Variants in ZFYVE26 observed in about 807,000 individuals in gnomAD.
The protein encoded by ZFYVE26 is zinc finger FYVE domain-containing protein 26.
In ZFYVE26, 181 loss-of-function variants were observed where a neutral mutation model predicts 276.5. The observed-to-expected ratio is 0.65, with a 90% CI of 0.58 to 0.74. ZFYVE26 has a LOEUF of 0.74. Ranked by LOEUF, ZFYVE26 falls within the 30% of genes least tolerant of loss-of-function variation. ZFYVE26 has a pLI of 0.00. For missense variants in ZFYVE26, 2,821 were observed against 3,097.9 expected, an observed-to-expected ratio of 0.91 and a Z score of 2.12; for synonymous variants, 1,129 against 1,203.1, an observed-to-expected ratio of 0.94 and a Z score of 1.27.
At position 67,797,659 on chromosome 14, in the gene ZFYVE26, C is replaced by A. The variant is rs746704535; in HGVS notation, c.2332+13G>T. The A allele has an allele frequency of 6.2e-7, 1 of 1,613,484 alleles. No homozygotes were observed. The highest frequency in any genetic ancestry group is 1.1e-5 in the South Asian group (1 of 90,982). On this transcript the variant is annotated intron_variant, in intron 12 of 41. Coordinates refer to ENST00000347230, the MANE Select transcript of ZFYVE26 (RefSeq NM_015346.4). ...CACTTGCCTAGTGCATGGGAATGAG[C>A]TCTTCAGATTACCTGCCTGGCTCCT...
chr14:67,793,969 A>G (rs750634159), intron 13 of ZFYVE26, among the ~76,000 whole-genome samples: 2 of 152,172 alleles, frequency 1.3e-5, no homozygotes, highest in Non-Finnish European at 2.9e-5. Flanking sequence ...TTCTTTGGGT[A>G]TTTACCTCTA....
rs1423312030 is a variant in ZFYVE26 at position 67,769,655 on chromosome 14, C to G, written c.5560G>C (p.Glu1854Gln). ...SSCSTKKMVV[E>Q]GCRENPARVC... ...CGAGCAGGGTTCTCTCTGCAGCCTT[C>G]AACCACCATTTTCTTAGTGGAGCAG... The change falls in exon 29 of 42, where the codon GAA becomes CAA. Residue 1854 changes from glutamate to glutamine, a missense_variant. By Grantham distance (29) the Glu-to-Gln change is conservative. Coordinates refer to ENST00000347230, the MANE Select transcript of ZFYVE26 (RefSeq NM_015346.4). 2 of 1,613,940 alleles carry G rather than the reference C, an allele frequency of 1.2e-6. No individual in the cohort carries two copies. Among genetic ancestry groups the G allele is most frequent in the South Asian group, 2.2e-5 (2 of 91,080 alleles).
In ZFYVE26 at chr14:67,783,436, G is replaced by A. The variant is rs2039562435; in HGVS notation, c.3716C>T (p.Ser1239Leu). 2.5e-6 allele frequency: 4 copies of A among 1,614,060 alleles called. No individual in the cohort carries two copies. Among genetic ancestry groups the A allele is most frequent in the Non-Finnish European group, 3.4e-6 (4 of 1,180,050 alleles). The change falls in exon 21 of 42, where the codon TCA (serine) becomes TTA (leucine). Residue 1239 changes from serine to leucine, a missense_variant. Ser to Leu is a moderately radical substitution (Grantham distance 145). Transcript: ENST00000347230. ...SCCCEPLALC[S>L]SRQSQQTSSL... ...GGAGGTCTGCTGGCTTTGCCGGGAT[G>A]AGCAAAGAGCAAGGGGCTCACAGCA...
chr14:67,812,604 C>G (rs576966266), intron 3 of ZFYVE26, among the ~76,000 whole-genome samples: 1 of 152,234 alleles, frequency 6.6e-6, no homozygotes, highest in South Asian at 2.1e-4. Flanking sequence ...TTTAAATAAG[C>G]AAGTCATTGA....
chr14:67,758,361 A>C (rs1246961522), intron 35 of ZFYVE26, among the ~76,000 whole-genome samples: 3 of 152,196 alleles, frequency 2.0e-5, no homozygotes, highest in Non-Finnish European at 2.9e-5. Context: ...ACACCTCAGA[A>C]GGGCAGCACC....
intron 16 of ZFYVE26, among the ~76,000 whole-genome samples, chr14:67,787,120 C>T (rs1479510708): frequency 6.6e-6 from 1 of 152,116 alleles, no homozygotes; most frequent in Non-Finnish European, 1.5e-5. Context: ...TGGTGGCTCA[C>T]ACCTGTAATC....
intron 5 of ZFYVE26, 93 bp from the exon 6 acceptor site, chr14:67,806,768 C>G (rs2073611500): frequency 1.3e-6 from 2 of 1,524,150 alleles, no homozygotes; most frequent in Middle Eastern, 2.0e-4. Context: ...TGAGAGTTTG[C>G]TCTTTTAAAA....
rs1594944740 is a variant in ZFYVE26 at position 67,816,063 on chromosome 14, G to C, written c.-83-17C>G. On this transcript the variant is annotated splice_polypyrimidine_tract_variant and intron_variant, in intron 1 of 41. Coordinates refer to ENST00000347230, the MANE Select transcript of ZFYVE26 (RefSeq NM_015346.4). The stretch of plus-strand genomic sequence containing the variant: ...GAGTACCTCCTAGAAACAACACAAC[G>C]CCAGTGAGAAGAAACAGAAGGCACT... The C allele has an allele frequency of 7.2e-6, 7 of 972,222 alleles. No homozygotes were observed. Among genetic ancestry groups the C allele is most frequent in the African/African-American group, 1.6e-5 (1 of 60,804 alleles). The allele number at this position is 972,222 out of a possible 1,614,324, so 60.2% of individuals were successfully genotyped here. A position where few individuals can be genotyped will look rare whatever the true frequency, so the allele number is the denominator to read the frequency against.
At chr14:67,743,945 C>A (rs1167189620), downstream of ZFYVE26, among the ~76,000 whole-genome samples, 1 of 152,138 alleles carries the variant, frequency 6.6e-6, no homozygotes, top group African/African-American at 2.4e-5. Flanking sequence ...GAAGGAAGGG[C>A]TCCAAGAAGA....
rs1307468198 is a variant in ZFYVE26, at chr14:67,806,530, T to C, written c.1017+15A>G. 1.9e-6 allele frequency: 3 copies of C among 1,614,096 alleles called. No individual in the cohort carries two copies. The highest frequency in any genetic ancestry group is 2.5e-6 in the Non-Finnish European group (3 of 1,179,954). On this transcript the variant is annotated intron_variant, in intron 6 of 41. Coordinates refer to ENST00000347230, the MANE Select transcript of ZFYVE26 (RefSeq NM_015346.4). ...CCCTGGGTACCTCTGTGATGAACAA[T>C]TAAGCTTGACTTACCAGAATCTGCT...
rs2038924131 is a variant in ZFYVE26 at position 67,761,386 on chromosome 14, G to A, written c.6568C>T (p.Leu2190Phe). ...YVRHSCLREA[L>F]LHLLNKESPP... Reference sequence around the variant, plus strand: ...CCCACCTTGTTGAGAAGGTGCAGAAGAGCTTCCCGCAGGCAGCTGTGCCTC... The same window carrying A: ...CCCACCTTGTTGAGAAGGTGCAGAAAAGCTTCCCGCAGGCAGCTGTGCCTC... The change falls in exon 35 of 42, where the codon CTT (leucine) becomes TTT (phenylalanine). Residue 2190 changes from leucine (L) to phenylalanine (F), a missense_variant. Transcript: ENST00000347230. 1.2e-6 allele frequency: 2 copies of A among 1,613,450 alleles called. No homozygotes were observed. Among genetic ancestry groups the A allele is most frequent in the Non-Finnish European group, 1.7e-6 (2 of 1,179,668 alleles).
rs1230434839 is a variant in ZFYVE26, at chr14:67,775,849, C to G, written c.5221+11G>C. On this transcript the variant is annotated intron_variant, in intron 26 of 41. Coordinates refer to ENST00000347230, the MANE Select transcript of ZFYVE26 (RefSeq NM_015346.4). ...CCATGTAGAATCCCCTTCTAGGATG[C>G]TAGCAGTTACCTGATCGTTTCTCCC... The G allele has an allele frequency of 6.2e-6, 10 of 1,614,032 alleles. No individual in the cohort carries two copies. Among genetic ancestry groups the G allele is most frequent in the South Asian group, 1.1e-5 (1 of 91,068 alleles).
chr14:67,807,181 T>C (rs545430920), intron 5 of ZFYVE26, among the ~76,000 whole-genome samples: 13 of 152,308 alleles, frequency 8.5e-5, no homozygotes, highest in South Asian at 2.1e-4. Context: ...TAGCCTCACA[T>C]GATCCTCCTT....
At position 67,798,903 on chromosome 14, in the gene ZFYVE26, C is replaced by T. The variant is rs1467236577; in HGVS notation, c.1640-281G>A. 26 of 953,424 alleles carry T rather than the reference C, an allele frequency of 2.7e-5. 1 individual carries two copies. In the East Asian group the frequency reaches 6.2e-4, roughly 23 times the overall value. The allele number at this position is 953,424 out of a possible 1,614,324, so 59.1% of individuals were successfully genotyped here. A position where few individuals can be genotyped will look rare whatever the true frequency, so the allele number is the denominator to read the frequency against. The stretch of plus-strand genomic sequence containing the variant: ...CCTTTTGGCCACCAGGCCCCGCCCC[C>T]GGGGAGGGCGCTGAGCTCCGCTTGG... On this transcript the variant is annotated intron_variant, in intron 10 of 41. Coordinates refer to ENST00000347230, the MANE Select transcript of ZFYVE26 (RefSeq NM_015346.4).
chr14:67,767,508 G>A (rs2039089938), intron 31 of ZFYVE26, among the ~76,000 whole-genome samples, 196 bp downstream of exon 31: 1 of 151,848 alleles, frequency 6.6e-6, no homozygotes, highest in Non-Finnish European at 1.5e-5. Context: ...TTCCACGAAG[G>A]CTTTCCTGGT....
chr14:67,782,977 C>T lies in ZFYVE26; in HGVS notation c.4175G>A (p.Cys1392Tyr). ...QQGQSLAVNL[C>Y]GWASLSTVLL... Reference sequence around the variant, plus strand: ...AACGGTAGAAAGACTGGCCCAACCACAGAGATTCACTGCCAGACTCTGCCC... The same window carrying T: ...AACGGTAGAAAGACTGGCCCAACCATAGAGATTCACTGCCAGACTCTGCCC... Residue 1392 changes from cysteine (C) to tyrosine (Y), a missense_variant, in exon 21 of 42, where the codon TGT becomes TAT. Cys to Tyr is a radical substitution (Grantham distance 194). Transcript: ENST00000347230. 6.2e-7 allele frequency: 1 copy of T among 1,614,226 alleles called. No homozygotes were observed. Among genetic ancestry groups the T allele is most frequent in the Middle Eastern group, 1.6e-4 (1 of 6,062 alleles).
At chr14:67,814,511 T>C (rs905941302) in intron 2 of ZFYVE26, among the ~76,000 whole-genome samples, 1 of 147,402 alleles carries the variant, frequency 6.8e-6, no homozygotes, top group Non-Finnish European at 1.5e-5. Context: ...AGAGCAAGAC[T>C]CTGTCTCCAA....
rs554885409 is a variant in ZFYVE26, at chr14:67,773,569, A to ACACACACACC, written c.5321-1360_5321-1359insGGTGTGTGTG. ...AAAAAAGGCGCACACACACACACAC[A>ACACACACACC]CACCCCAAAGCTGCTCAGGCTGCCA... On this transcript the variant is annotated intron_variant, in intron 27 of 41. Coordinates refer to ENST00000347230, the MANE Select transcript of ZFYVE26 (RefSeq NM_015346.4). Among the ~76,000 whole-genome samples, 16 of 148,594 alleles carry ACACACACACC rather than the reference A, an allele frequency of 1.1e-4. No individual in the cohort carries two copies. The South Asian group carries it at 2.1e-3, about 20-fold the overall frequency.
Position 67,782,961 on chromosome 14 carries a change from A to C in ZFYVE26, c.4191T>G (p.Leu1397=). 6.2e-7 allele frequency: 1 copy of C among 1,614,212 alleles called. No homozygotes were observed. Among genetic ancestry groups the C allele is most frequent in the Non-Finnish European group, 8.5e-7 (1 of 1,180,028 alleles). The change falls in exon 21 of 42, where the codon CTT becomes CTG. Residue 1397 remains leucine (L), a synonymous_variant. Coordinates refer to ENST00000347230, the MANE Select transcript of ZFYVE26 (RefSeq NM_015346.4). ...LAVNLCGWAS[L]STVLLGLHSP... ...AATGTAGGCCCAGGAGAACGGTAGA[A>C]AGACTGGCCCAACCACAGAGATTCA...
Sources: allele counts gnomAD v4.1 joint callset (sites outside exome capture counted in the v4.1 genomes callset), GRCh38; gene constraint gnomAD v4.1.1; transcripts MANE v1.5; gene names NCBI Gene and HGNC (gene_info 2026-07-23, HGNC 2026-07-21).